The following PDE4D variants were observed in gnomAD, a reference collection of about 807,000 sequenced individuals.
The protein encoded by PDE4D is phosphodiesterase 4D.
In PDE4D, 24 loss-of-function variants were observed where a neutral mutation model predicts 87.4. The observed-to-expected ratio is 0.27, with a 90% CI of 0.20 to 0.39. PDE4D has a LOEUF of 0.39. Ranked by LOEUF, PDE4D falls within the 10% of genes least tolerant of loss-of-function variation. The probability of loss-of-function intolerance (pLI) is 1.00; values close to 1 mark genes in which losing one functional copy is unlikely to be tolerated. For synonymous variants in PDE4D, 384 were observed against 383.2 expected, an observed-to-expected ratio of 1.00 and a Z score of -0.02; for missense variants, 714 against 1,041.0, an observed-to-expected ratio of 0.69 and a Z score of 4.32.
At chr5:60,001,871 G>A (rs1203719431) in intron 2 of PDE4D, among the ~76,000 whole-genome samples, 3 of 93,262 alleles carry the variant, frequency 3.2e-5, no homozygotes, top group African/African-American at 8.2e-5. Flanking sequence ...AAGTCCCATA[G>A]TAATTACAAA....
At chr5:59,143,877 AG>A (rs765003678) in intron 5 of PDE4D, among the ~76,000 whole-genome samples, 1 of 152,232 alleles carries the variant, frequency 6.6e-6, no homozygotes, top group African/African-American at 2.4e-5. Flanking sequence ...AACTTGGAAA[AG>A]CTTGTGATAG....
intron 2 of PDE4D, among the ~76,000 whole-genome samples, chr5:60,179,433 A>G (rs1052208911): frequency 5.3e-5 from 8 of 152,106 alleles, no homozygotes; most frequent in Admixed American, 4.6e-4. Context: ...AACACAATTG[A>G]TTATTGTATA....
At chr5:60,095,690 T>A (rs1326846648) in intron 2 of PDE4D, among the ~76,000 whole-genome samples, 1 of 152,198 alleles carries the variant, frequency 6.6e-6, no homozygotes, top group African/African-American at 2.4e-5. Flanking sequence ...ATGGTTGAAC[T>A]GATTTACACT....
At chr5:59,898,377 GAAAT>G (rs1006137890), upstream of PDE4D, among the ~76,000 whole-genome samples, 11 of 152,154 alleles carry the variant, frequency 7.2e-5, no homozygotes, top group African/African-American at 2.4e-4. Context: ...TCTTGCAGAG[GAAAT>G]AAATAAATAA....
intron 3 of PDE4D, among the ~76,000 whole-genome samples, chr5:59,965,478 G>C (rs1240974858): frequency 1.3e-5 from 2 of 152,102 alleles, no homozygotes; most frequent in Non-Finnish European, 2.9e-5. Flanking sequence ...TATGCTATGT[G>C]ACTCCAATGC....
At chr5:60,046,711 T>C (rs1304089452) in intron 2 of PDE4D, among the ~76,000 whole-genome samples, 1 of 152,250 alleles carries the variant, frequency 6.6e-6, no homozygotes, top group Non-Finnish European at 1.5e-5. Flanking sequence ...ATCCCAGGGA[T>C]GAGGCCCACT....
intron 1 of PDE4D, among the ~76,000 whole-genome samples, chr5:59,782,797 T>G (rs551386070): frequency 7.0e-4 from 107 of 152,294 alleles, no homozygotes; most frequent in South Asian, 3.7e-3. Context: ...TCATGAGAAT[T>G]TTATGACTGT....
chr5:59,938,570 A>G (rs911877373), intron 3 of PDE4D, among the ~76,000 whole-genome samples: 8 of 152,166 alleles, frequency 5.3e-5, no homozygotes, highest in African/African-American at 1.9e-4. Flanking sequence ...AGAAGCATGG[A>G]TATGCTAATA....
intron 1 of PDE4D, among the ~76,000 whole-genome samples, chr5:59,741,731 GT>G (rs1758868432): frequency 6.6e-6 from 1 of 151,996 alleles, no homozygotes; most frequent in African/African-American, 2.4e-5. Context: ...CTGAAATTAC[GT>G]TTTTCTAGTA....
chr5:59,018,958 T>C (rs977818602), intron 6 of PDE4D, among the ~76,000 whole-genome samples: 6 of 151,428 alleles, frequency 4.0e-5, no homozygotes, highest in African/African-American at 7.3e-5. Flanking sequence ...TTTTTTTTTT[T>C]AACCAGAAAT....
At chr5:59,945,896 T>C (rs115319096) in intron 3 of PDE4D, among the ~76,000 whole-genome samples, 1 of 152,296 alleles carries the variant, frequency 6.6e-6, no homozygotes, top group African/African-American at 2.4e-5. Context: ...GTGAGGCTAT[T>C]TGCTCCTGTT....
chr5:59,306,510 T>A (rs1771402330), intron 1 of PDE4D, among the ~76,000 whole-genome samples: 1 of 152,196 alleles, frequency 6.6e-6, no homozygotes, highest in Non-Finnish European at 1.5e-5. Context: ...TCCTTTGTGA[T>A]TTACGCTTTA....
chr5:59,722,829 C>T (rs1288236860), intron 1 of PDE4D, among the ~76,000 whole-genome samples: 1 of 152,054 alleles, frequency 6.6e-6, no homozygotes, highest in Non-Finnish European at 1.5e-5. Context: ...CTCCTATATA[C>T]CAAAAGCCTT....
chr5:59,787,025 A>G (rs777644502), intron 1 of PDE4D, among the ~76,000 whole-genome samples: 2 of 152,228 alleles, frequency 1.3e-5, no homozygotes, highest in Admixed American at 6.5e-5. Flanking sequence ...AGATCTGAGT[A>G]TAAATTATGT....
At chr5:59,996,735 T>C (rs541653414) in intron 2 of PDE4D, among the ~76,000 whole-genome samples, 2 of 152,172 alleles carry the variant, frequency 1.3e-5, no homozygotes, top group Non-Finnish European at 2.9e-5. Context: ...TCCTTTAATA[T>C]AGAAAAGGGC....
intron 1 of PDE4D, among the ~76,000 whole-genome samples, chr5:59,573,904 A>G (rs1344967377): frequency 6.7e-6 from 1 of 149,166 alleles, no homozygotes; most frequent in African/African-American, 2.5e-5. Flanking sequence ...AGGCTGAGCT[A>G]GGAGAACCGC....
At chr5:59,635,713 T>C (rs185217969) in intron 1 of PDE4D, among the ~76,000 whole-genome samples, 186 of 152,178 alleles carry the variant, frequency 1.2e-3, no homozygotes, top group African/African-American at 4.1e-3. Flanking sequence ...AAACACTCAA[T>C]AGGTATTGAT....
intron 1 of PDE4D, among the ~76,000 whole-genome samples, chr5:59,276,961 G>A (rs1328744712): frequency 6.6e-6 from 1 of 152,118 alleles, no homozygotes; most frequent in Non-Finnish European, 1.5e-5. Context: ...TCTACACAGA[G>A]GATATATACT....
chr5:60,127,605 A>T (rs1779226345), intron 2 of PDE4D: 1 of 528,618 alleles, frequency 1.9e-6, no homozygotes, highest in Non-Finnish European at 3.4e-6. Flanking sequence ...GAGGAAGATG[A>T]AGGTGAAGAA....
Sources: allele counts gnomAD v4.1 joint callset (sites outside exome capture counted in the v4.1 genomes callset), GRCh38; gene constraint gnomAD v4.1.1; transcripts MANE v1.5; gene names NCBI Gene and HGNC (gene_info 2026-07-23, HGNC 2026-07-21).